Variants in PBX1 observed in about 807,000 individuals in gnomAD.
The protein encoded by PBX1 is pre-B-cell leukemia transcription factor 1.
Under a neutral mutation model 53.4 loss-of-function variants are expected in PBX1, and 6 were observed. The ratio of observed to expected loss-of-function variants is 0.11; its 90% CI spans 0.06 to 0.22. PBX1 has a LOEUF of 0.22. Among genes scored for constraint, PBX1 ranks in the 10% least tolerant of loss-of-function variants. The pLI, the probability that PBX1 is intolerant of heterozygous loss-of-function variation, is 1.00. For missense variants in PBX1, 251 were observed against 551.4 expected (o/e 0.46, Z 5.46); for synonymous variants, 204 against 212.3 (o/e 0.96, Z 0.34).
intron 2 of PBX1, among the ~76,000 whole-genome samples, chr1:164,764,756 A>G (rs1666981528): frequency 6.6e-6 from 1 of 152,194 alleles, no homozygotes; most frequent in African/African-American, 2.4e-5. Flanking sequence ...ATCTATATAT[A>G]TAACTTGAAA....
intron 2 of PBX1, among the ~76,000 whole-genome samples, chr1:164,760,391 T>C (rs1571352447): frequency 6.6e-6 from 1 of 151,598 alleles, no homozygotes. Flanking sequence ...CACCCTTCTT[T>C]GCTCCCTCCT....
chr1:164,602,110 G>A (rs1189005812), intron 2 of PBX1, among the ~76,000 whole-genome samples: 1 of 152,230 alleles, frequency 6.6e-6, no homozygotes. Flanking sequence ...GGACTCCTGT[G>A]TTTTGGCTGA....
At position 164,559,951 on chromosome 1, in the gene PBX1, T is replaced by G; in HGVS notation, c.129T>G (p.Ile43Met). The change falls in exon 1 of 9, where the codon ATT (isoleucine) becomes ATG (methionine). Residue 43 changes from isoleucine to methionine, a missense_variant. This residue lies in a region of PBX1 where 63 missense variants were observed against 78.7 expected (regional missense o/e 0.80). Coordinates refer to ENST00000420696, the MANE Select transcript of PBX1 (RefSeq NM_002585.4). ...GGGAGGGCGGGAGGAAGCAGGACAT[T>G]GGAGACATTTTACAGCAAATTATGA... ...TEGEGGRKQDIGDILQQIMTI... is the reference protein window; with the variant it reads ...TEGEGGRKQDMGDILQQIMTI... 2 of 1,542,974 alleles carry G rather than the reference T, an allele frequency of 1.3e-6. No homozygotes were observed. The highest frequency in any genetic ancestry group is 1.8e-6 in the Non-Finnish European group (2 of 1,142,332).
At position 164,637,837 on chromosome 1, in the gene PBX1, A is replaced by G. The variant is rs548883086; in HGVS notation, c.265+74526A>G. ...CTTCAGAGGTATGGGGGCAGACAGA[A>G]CAGGCTTTCTTCTCCAAAAGTTCAA... On this transcript the variant is annotated intron_variant, in intron 2 of 8. Transcript: ENST00000420696. Among the ~76,000 whole-genome samples the G allele has an allele frequency of 4.6e-5, 7 of 152,300 alleles. No individual in the cohort carries two copies. In the East Asian group the frequency reaches 1.4e-3, roughly 29 times the overall value.
intron 2 of PBX1, among the ~76,000 whole-genome samples, chr1:164,707,662 G>A (rs1409298203): frequency 2.0e-5 from 3 of 152,062 alleles, no homozygotes; most frequent in African/African-American, 4.8e-5. Flanking sequence ...CCCTTTTTGG[G>A]AAAAGGGAAA....
chr1:164,769,922 A>G (rs1667278797), intron 2 of PBX1: 1 of 152,296 alleles, frequency 6.6e-6, no homozygotes, highest in South Asian at 2.1e-4. Context: ...ATCCCTGCAC[A>G]TAAGCAGACA....
intron 2 of PBX1, among the ~76,000 whole-genome samples, chr1:164,699,242 A>G (rs966460540): frequency 2.0e-5 from 3 of 152,228 alleles, no homozygotes; most frequent in African/African-American, 2.4e-5. Context: ...AGATGGAAAT[A>G]TAACATGTTT....
chr1:164,874,350 T>C (rs532072323), intron 2 of PBX1, among the ~76,000 whole-genome samples: 3 of 152,356 alleles, frequency 2.0e-5, no homozygotes, highest in African/African-American at 7.2e-5. Flanking sequence ...TTAGATTATA[T>C]TTTATGTAAG....
chr1:164,564,454 CTG>C (rs1653289846), intron 2 of PBX1, among the ~76,000 whole-genome samples: 1 of 151,908 alleles, frequency 6.6e-6, no homozygotes, highest in African/African-American at 2.4e-5. Flanking sequence ...TGAGAGCTCT[CTG>C]TGTTTTTCTT....
intron 2 of PBX1, among the ~76,000 whole-genome samples, chr1:164,791,829 G>T (rs555813079): frequency 9.9e-5 from 15 of 151,910 alleles, no homozygotes; most frequent in African/African-American, 3.4e-4. Context: ...TTACCTTTTT[G>T]GGGGGTGGGG....
chr1:164,560,156 G>A (rs1652925979), intron 1 of PBX1, 143 bp downstream of exon 1: 1 of 613,164 alleles, frequency 1.6e-6, no homozygotes, highest in African/African-American at 1.9e-5. Flanking sequence ...CAACTACATG[G>A]CGGAGGAGTA....
At chr1:164,869,371 T>C (rs535213626) in intron 2 of PBX1, among the ~76,000 whole-genome samples, 1 of 152,318 alleles carries the variant, frequency 6.6e-6, no homozygotes, top group Non-Finnish European at 1.5e-5. Context: ...GTGAAGCAGG[T>C]TAACTTCCCA....
chr1:164,595,406 G>A (rs1655686331), intron 2 of PBX1, among the ~76,000 whole-genome samples: 1 of 152,152 alleles, frequency 6.6e-6, no homozygotes, highest in African/African-American at 2.4e-5. Flanking sequence ...CTGTGAAGCA[G>A]TTGAGGATGA....
intron 2 of PBX1, among the ~76,000 whole-genome samples, chr1:164,613,495 C>G (rs1447501866): frequency 1.3e-5 from 2 of 152,132 alleles, no homozygotes; most frequent in Non-Finnish European, 2.9e-5. Flanking sequence ...TGCCGTAAAG[C>G]TATTCCTAAC....
intron 2 of PBX1, among the ~76,000 whole-genome samples, chr1:164,778,636 C>CAA (rs35701840): frequency 0.26 from 35,795 of 136,040 alleles, 4,694 homozygotes; most frequent in African/African-American, 0.34. Flanking sequence ...GACCCTTTCT[C>CAA]AAAAAAAAAA....
intron 2 of PBX1, among the ~76,000 whole-genome samples, chr1:164,575,808 C>T (rs528516971): frequency 6.8e-6 from 1 of 147,930 alleles, no homozygotes; most frequent in African/African-American, 2.5e-5. Flanking sequence ...CACATCTTTC[C>T]TTTGTGCATC....
At chr1:164,808,531 C>T (rs1571447174) in intron 5 of PBX1, among the ~76,000 whole-genome samples, 1 of 152,094 alleles carries the variant, frequency 6.6e-6, no homozygotes, top group Non-Finnish European at 1.5e-5. Context: ...CTGATATTTC[C>T]ATTAAAACTG....
intron 2 of PBX1, among the ~76,000 whole-genome samples, chr1:164,874,847 A>T (rs2102458607): frequency 6.6e-6 from 1 of 152,294 alleles, no homozygotes; most frequent in South Asian, 2.1e-4. Flanking sequence ...TTACTATTGC[A>T]TGTTTTAACA....
At chr1:164,579,610 G>C (rs1051089742) in intron 2 of PBX1, among the ~76,000 whole-genome samples, 2 of 152,206 alleles carry the variant, frequency 1.3e-5, no homozygotes, top group Admixed American at 6.5e-5. Flanking sequence ...AGACAGCACA[G>C]TCTGTCTGTC....
Sources: allele counts gnomAD v4.1 joint callset (sites outside exome capture counted in the v4.1 genomes callset), GRCh38; gene constraint gnomAD v4.1.1; regional missense constraint gnomAD v4.1.1; transcripts MANE v1.5; gene names NCBI Gene and HGNC (gene_info 2026-07-23, HGNC 2026-07-21).